The following AMZ2 variants were observed in gnomAD, a reference collection of about 807,000 sequenced individuals.
The protein encoded by AMZ2 is archaemetzincin-2.
AMZ2 carries 26 observed loss-of-function variants against 36.7 expected under a neutral mutation model. That is an observed-to-expected ratio of 0.71 (90% CI 0.52 to 0.98). The LOEUF (loss-of-function observed/expected upper bound fraction) is 0.98. AMZ2 is among the 50% of genes least tolerant of loss of function. The pLI is 0.00. For missense variants in AMZ2, 394 were observed against 430.5 expected, an observed-to-expected ratio of 0.92 and a Z score of 0.75; for synonymous variants, 144 against 149.1, an observed-to-expected ratio of 0.97 and a Z score of 0.25.
chr17:68,249,910 A>C, intron 1 of AMZ2: 1 of 399,034 alleles, frequency 2.5e-6, no homozygotes, highest in Non-Finnish European at 4.6e-6. Context: ...AAGTGCTGAA[A>C]TTACAGGCAT....
At chr17:68,250,996 T>C in intron 3 of AMZ2, 29 bp downstream of exon 3, 1 of 1,609,452 alleles carries the variant, frequency 6.2e-7, no homozygotes. Context: ...CAATTCGAAC[T>C]GAGTATATGT....
In AMZ2 at chr17:68,248,342, C is replaced by T; in HGVS notation, c.-364C>T. 1.0e-6 allele frequency: 1 copy of T among 986,058 alleles called. No homozygotes were observed. Among genetic ancestry groups the T allele is most frequent in the Admixed American group, 6.1e-5 (1 of 16,290 alleles). 61.1% of individuals were successfully genotyped at this position (986,058 alleles called of 1,614,324 possible). A position where few individuals can be genotyped will look rare whatever the true frequency, so the allele number is the denominator to read the frequency against. ...GAAGCGAGAGTCCCTGGGGAACCCC[C>T]ACTCCACTCCCAGCTGGAGACTGGG... On this transcript the variant is annotated 5_prime_UTR_variant, in exon 1 of 7. Transcript: ENST00000359904.
intron 1 of AMZ2, among the ~76,000 whole-genome samples, chr17:68,225,233 C>T (rs552351724): frequency 4.6e-5 from 7 of 151,984 alleles, no homozygotes; most frequent in East Asian, 1.9e-4. Context: ...GTGAAATTGA[C>T]GGGCTGTAGC....
At chr17:68,243,949 T>G (rs181701585), upstream of AMZ2, among the ~76,000 whole-genome samples, 15 of 152,314 alleles carry the variant, frequency 9.8e-5, no homozygotes, top group South Asian at 2.1e-3. Context: ...ATATATATCT[T>G]CTGGCTATAA....
intron 1 of AMZ2, chr17:68,207,313 A>ACCCCCCCCCC (rs10678271): frequency 9.0e-6 from 1 of 110,654 alleles, no homozygotes; most frequent in African/African-American, 3.4e-5. Context: ...TTTGTTAAAT[A>ACCCCCCCCCC]CCCCCCCCCC....
In AMZ2 at chr17:68,248,088, T is replaced by G; in HGVS notation, c.-618T>G. 1 of 985,700 alleles carries G rather than the reference T, an allele frequency of 1.0e-6. No homozygotes were observed. The highest frequency in any genetic ancestry group is 1.2e-6 in the Non-Finnish European group (1 of 830,386). The allele number at this position is 985,700 out of a possible 1,614,324, so 61.1% of individuals were successfully genotyped here. A position where few individuals can be genotyped will look rare whatever the true frequency, so the allele number is the denominator to read the frequency against. ...GCATGCGCGTGAGGGCTGCCGCGGG[T>G]GGGTGGTATCGAGGCCTGTCGGGTC... On this transcript the variant is annotated 5_prime_UTR_variant, in exon 1 of 7. Coordinates refer to ENST00000359904, the MANE Select transcript of AMZ2 (RefSeq NM_016627.5).
chr17:68,253,042 C>T (rs1396673990), intron 4 of AMZ2, among the ~76,000 whole-genome samples: 3 of 152,010 alleles, frequency 2.0e-5, no homozygotes, highest in Admixed American at 6.6e-5. Context: ...TTGTTTTCTC[C>T]GAGTTTACAA....
At chr17:68,226,069 G>A (rs1373609387) in intron 1 of AMZ2, among the ~76,000 whole-genome samples, 3 of 152,086 alleles carry the variant, frequency 2.0e-5, no homozygotes, top group Non-Finnish European at 4.4e-5. Context: ...TGGCTCGCCC[G>A]GGAGCCCTGC....
chr17:68,240,424 C>G (rs2073878052), intron 1 of AMZ2, among the ~76,000 whole-genome samples: 1 of 151,746 alleles, frequency 6.6e-6, no homozygotes, highest in African/African-American at 2.4e-5. Flanking sequence ...AGTAAGTATT[C>G]AAAAGAAAAG....
chr17:68,230,343 G>A (rs1277425059), intron 1 of AMZ2, among the ~76,000 whole-genome samples: 1 of 152,196 alleles, frequency 6.6e-6, no homozygotes, highest in African/African-American at 2.4e-5. Flanking sequence ...CACAGTGCTG[G>A]GATTACAGGC....
chr17:68,209,740 C>T (rs1364180095), intron 1 of AMZ2, among the ~76,000 whole-genome samples: 2 of 150,320 alleles, frequency 1.3e-5, no homozygotes. Context: ...CCTGTTTCAG[C>T]CTCCTGAGAA....
chr17:68,212,239 G>A (rs1460357041), intron 1 of AMZ2, among the ~76,000 whole-genome samples: 1 of 152,148 alleles, frequency 6.6e-6, no homozygotes, highest in East Asian at 1.9e-4. Context: ...AGGCATGGTG[G>A]CACGTGCCTG....
intron 1 of AMZ2, among the ~76,000 whole-genome samples, chr17:68,238,511 A>G (rs1350008429): frequency 2.0e-5 from 3 of 152,014 alleles, no homozygotes; most frequent in African/African-American, 4.8e-5. Flanking sequence ...CAATTCTTTG[A>G]CTTTACTGTA....
intron 1 of AMZ2, among the ~76,000 whole-genome samples, chr17:68,225,988 C>T (rs1432317215): frequency 2.0e-5 from 3 of 152,092 alleles, no homozygotes; most frequent in Non-Finnish European, 4.4e-5. Context: ...CAGATTGCCT[C>T]GCCCCAACCC....
At chr17:68,207,444 T>C (rs1363436883) in intron 1 of AMZ2, 6 of 151,890 alleles carry the variant, frequency 4.0e-5, no homozygotes, top group African/African-American at 1.5e-4. Flanking sequence ...ATTAATTAAA[T>C]TAGAATCTGT....
chr17:68,246,836 G>C (rs2074035097), upstream of AMZ2: 1 of 152,258 alleles, frequency 6.6e-6, no homozygotes, highest in African/African-American at 2.4e-5. Flanking sequence ...AAGAAAATGT[G>C]CCTGTCTTTC....
In AMZ2 at chr17:68,250,903, T is replaced by G; in HGVS notation, c.393T>G (p.Pro131=). Residue 131 remains proline (P), a synonymous_variant, in exon 3 of 7, where the codon CCT becomes CCG. Coordinates refer to ENST00000359904, the MANE Select transcript of AMZ2 (RefSeq NM_016627.5). ...GLRVKLLEPV[P]VSVTRCSFRV... is the part of the protein sequence containing the mutation. ...GAGTAAAACTCCTAGAACCAGTTCC[T>G]GTTTCTGTAACAAGATGTTCCTTTA... 1 of 1,610,896 alleles carries G rather than the reference T, an allele frequency of 6.2e-7. No individual in the cohort carries two copies. Among genetic ancestry groups the G allele is most frequent in the Non-Finnish European group, 8.5e-7 (1 of 1,179,312 alleles).
intron 1 of AMZ2, among the ~76,000 whole-genome samples, chr17:68,208,723 A>T (rs563366526): frequency 6.6e-6 from 1 of 152,042 alleles, no homozygotes; most frequent in African/African-American, 2.4e-5. Context: ...TGTAATACTC[A>T]CCGCGACGGT....
At chr17:68,220,058 A>T (rs1250956379) in intron 1 of AMZ2, among the ~76,000 whole-genome samples, 1 of 152,320 alleles carries the variant, frequency 6.6e-6, no homozygotes, top group African/African-American at 2.4e-5. Flanking sequence ...CCAGTTTTAT[A>T]GCATATGAAT....
Sources: allele counts gnomAD v4.1 joint callset (sites outside exome capture counted in the v4.1 genomes callset), GRCh38; gene constraint gnomAD v4.1.1; transcripts MANE v1.5; gene names NCBI Gene and HGNC (gene_info 2026-07-23, HGNC 2026-07-21).